The following CCDC6 variants were observed in gnomAD, a reference collection of about 807,000 sequenced individuals.
The protein encoded by CCDC6 is coiled-coil domain containing 6.
A neutral mutation model predicts 56.6 loss-of-function variants in CCDC6; 20 were observed. The ratio of observed to expected loss-of-function variants is 0.35; its 90% CI spans 0.25 to 0.51. The LOEUF (loss-of-function observed/expected upper bound fraction) is 0.51. Among genes scored for constraint, CCDC6 ranks in the 20% least tolerant of loss-of-function variants. CCDC6 has a pLI of 0.95. For missense variants in CCDC6, 367 were observed against 601.1 expected (o/e 0.61, Z 4.07); for synonymous variants, 241 against 234.4 (o/e 1.03, Z -0.26).
intron 5 of CCDC6, among the ~76,000 whole-genome samples, chr10:59,811,216 A>G (rs1564739503): frequency 1.3e-5 from 2 of 152,202 alleles, no homozygotes; most frequent in African/African-American, 4.8e-5. Context: ...GTACTACACC[A>G]TATTTCTCAA....
chr10:59,853,691 T>A (rs1233749092), intron 1 of CCDC6, among the ~76,000 whole-genome samples: 1 of 151,924 alleles, frequency 6.6e-6, no homozygotes, highest in Non-Finnish European at 1.5e-5. Flanking sequence ...AGGGTAAAGG[T>A]GGGTGAGAGG....
intron 4 of CCDC6, among the ~76,000 whole-genome samples, chr10:59,814,374 T>C (rs1208656244): frequency 6.6e-6 from 1 of 152,172 alleles, no homozygotes; most frequent in Non-Finnish European, 1.5e-5. Flanking sequence ...GAAAATACTT[T>C]AAAGGTGAAC....
intron 1 of CCDC6, among the ~76,000 whole-genome samples, chr10:59,858,985 T>A (rs2071101485): frequency 6.6e-6 from 1 of 152,142 alleles, no homozygotes; most frequent in Non-Finnish European, 1.5e-5. Flanking sequence ...TAGAACCTCT[T>A]CAGGGTGCTG....
At chr10:59,796,339 ATTTG>A (rs1165605413) in intron 7 of CCDC6, among the ~76,000 whole-genome samples, 1 of 145,502 alleles carries the variant, frequency 6.9e-6, no homozygotes, top group Non-Finnish European at 1.5e-5. Flanking sequence ...TTTCTTGTAA[ATTTG>A]TTTGAGTTCA....
At chr10:59,816,017 C>T (rs568866355) in intron 3 of CCDC6, among the ~76,000 whole-genome samples, 38 of 152,302 alleles carry the variant, frequency 2.5e-4, no homozygotes, top group African/African-American at 9.1e-4. Context: ...TCTTAAGAAG[C>T]AACAATCTCA....
chr10:59,805,416 T>C (rs1589035531), intron 6 of CCDC6: 1 of 152,204 alleles, frequency 6.6e-6, no homozygotes, highest in African/African-American at 2.4e-5. Context: ...GTGGATAATC[T>C]GACCTACAAA....
intron 2 of CCDC6, among the ~76,000 whole-genome samples, chr10:59,837,429 C>T (rs1307744341): frequency 1.3e-5 from 2 of 152,120 alleles, no homozygotes; most frequent in African/African-American, 4.8e-5. Context: ...ACCTCTAGGA[C>T]CCAGCTTTTT....
At position 59,832,570 on chromosome 10, in the gene CCDC6, T is replaced by C. The variant is rs1409149294; in HGVS notation, c.537A>G (p.Lys179=). The change falls in exon 3 of 9, where the codon AAA becomes AAG. Residue 179 remains lysine, a synonymous_variant. Coordinates refer to ENST00000263102, the MANE Select transcript of CCDC6 (RefSeq NM_005436.5). ...TAGAAATGGTGTCATTCTCCAGTTT[T>C]TTAATTTTCTTCATCAGTTTGTTGA... ...FQVNKLMKKI[K]KLENDTISKQ... is the part of the protein sequence containing the mutation. 1.2e-6 allele frequency: 2 copies of C among 1,613,762 alleles called. No individual in the cohort carries two copies. The highest frequency in any genetic ancestry group is 2.2e-5 in the East Asian group (1 of 44,846).
At chr10:59,896,700 T>C (rs2071466635) in intron 1 of CCDC6, among the ~76,000 whole-genome samples, 2 of 152,104 alleles carry the variant, frequency 1.3e-5, no homozygotes, top group South Asian at 4.1e-4. Context: ...TATTGTTTAA[T>C]GGGTACAGAG....
intron 7 of CCDC6, among the ~76,000 whole-genome samples, chr10:59,797,050 G>A (rs2070527100): frequency 6.6e-6 from 1 of 151,234 alleles, no homozygotes; most frequent in Admixed American, 6.6e-5. Flanking sequence ...GATATATATA[G>A]ACATATAAAG....
At chr10:59,823,293 G>A (rs2070761528) in intron 3 of CCDC6, among the ~76,000 whole-genome samples, 1 of 152,200 alleles carries the variant, frequency 6.6e-6, no homozygotes, top group Non-Finnish European at 1.5e-5. Context: ...AGCCGTCCAT[G>A]GACAGCAGAG....
Position 59,790,060 on chromosome 10 carries a change from A to G in CCDC6, c.*2857T>C, listed in dbSNP as rs11540401. On this transcript the variant is annotated 3_prime_UTR_variant, in exon 9 of 9. Transcript: ENST00000263102. ...GTAAGTTCAATTAAAGGCTTCCACT[A>G]TCTGCCAAATTTCTAGAATTCTGTC... is the stretch of plus-strand genomic sequence containing the variant. 0.46 allele frequency: 97,596 copies of G among 213,610 alleles called. 23,454 individuals are homozygous for G. Among genetic ancestry groups the G allele is most frequent in the East Asian group, 0.56 (7,937 of 14,244 alleles). 13.2% of individuals were successfully genotyped at this position (213,610 alleles called of 1,614,324 possible).
At chr10:59,885,788 G>A (rs116165769) in intron 1 of CCDC6, among the ~76,000 whole-genome samples, 2,164 of 152,182 alleles carry the variant, frequency 0.014, 57 homozygotes, top group African/African-American at 0.05. Context: ...GGGAAGCTCC[G>A]TTGGCTGCCT....
At chr10:59,837,746 CA>C (rs397940135) in intron 2 of CCDC6, among the ~76,000 whole-genome samples, 649 of 49,676 alleles carry the variant, frequency 0.013, 1 homozygote, top group African/African-American at 0.034. Flanking sequence ...GACTCTGTCT[CA>C]AAAAAAAAAA....
intron 2 of CCDC6, among the ~76,000 whole-genome samples, chr10:59,833,617 G>A (rs151336200): frequency 0.011 from 1,143 of 105,264 alleles, 7 homozygotes; most frequent in Middle Eastern, 0.033. Context: ...ATAATCGCGC[G>A]TTATTTTTAT....
At chr10:59,865,419 G>A (rs543094990) in intron 1 of CCDC6, among the ~76,000 whole-genome samples, 10 of 151,988 alleles carry the variant, frequency 6.6e-5, no homozygotes, top group Non-Finnish European at 8.8e-5. Context: ...ACCCTTTCCC[G>A]GCAAGGTGCA....
chr10:59,890,536 A>T (rs2071414175), intron 1 of CCDC6, among the ~76,000 whole-genome samples: 1 of 152,088 alleles, frequency 6.6e-6, no homozygotes, highest in Non-Finnish European at 1.5e-5. Context: ...AAAAGGAAGA[A>T]CTGTGCTGAA....
intron 1 of CCDC6, among the ~76,000 whole-genome samples, chr10:59,866,013 TC>T (rs2071174051): frequency 6.6e-6 from 1 of 152,104 alleles, no homozygotes; most frequent in South Asian, 2.1e-4. Context: ...AAGTTTATCT[TC>T]CATCTGCCTC....
At chr10:59,884,287 C>CA (rs1388820695) in intron 1 of CCDC6, among the ~76,000 whole-genome samples, 1 of 151,908 alleles carries the variant, frequency 6.6e-6, no homozygotes, top group Non-Finnish European at 1.5e-5. Context: ...AAAAAGAAGG[C>CA]AAGAATATAA....
Sources: gnomAD v4.1 joint callset for allele counts (sites outside exome capture counted in the v4.1 genomes callset) on GRCh38, gnomAD v4.1.1 for gene constraint, MANE v1.5 for transcripts, NCBI Gene and HGNC (gene_info 2026-07-23, HGNC 2026-07-21) for gene names.